Variants in FANCA observed in about 807,000 individuals in gnomAD.
FANCA encodes the protein Fanconi anemia group A protein.
A neutral mutation model predicts 194.3 loss-of-function variants in FANCA; 236 were observed. That is an observed-to-expected ratio of 1.21 (90% CI 1.09 to 1.35). FANCA has a LOEUF of 1.35. Ranked by LOEUF, FANCA falls within the 40% of genes most tolerant of loss-of-function variation. The pLI is 0.00. For synonymous variants in FANCA, 1,014 were observed against 715.8 expected, an observed-to-expected ratio of 1.42 and a Z score of -6.65; for missense variants, 2,628 against 1,813.9, an observed-to-expected ratio of 1.45 and a Z score of -8.15.
In FANCA at chr16:89,740,142, T is replaced by G. The variant is rs746545180; in HGVS notation, c.3829-43A>C. The G allele has an allele frequency of 1.5e-5, 23 of 1,504,022 alleles. No homozygotes were observed. The East Asian group carries it at 3.8e-4, about 25-fold the overall frequency. 93.2% of individuals were successfully genotyped at this position (1,504,022 alleles called of 1,614,324 possible). A position where few individuals can be genotyped will look rare whatever the true frequency, so the allele number is the denominator to read the frequency against. On this transcript the variant is annotated intron_variant, in intron 38 of 42. Transcript: ENST00000389301. ...CCAACCCTGAGAATGGCCGACCTGG[T>G]GCTCCCATGGGTAGGAGGGTACAGC...
At chr16:89,795,801 G>C (rs2040226088) in intron 11 of FANCA, 105 bp downstream of exon 11, 7 of 811,180 alleles carry the variant, frequency 8.6e-6, no homozygotes, top group South Asian at 8.2e-5. Flanking sequence ...AGACGTAAAA[G>C]AGGTCCTAGA....
At chr16:89,799,317 C>T (rs1262153340) in intron 9 of FANCA, 85 bp from the exon 10 acceptor site, 2 of 1,509,036 alleles carry the variant, frequency 1.3e-6, no homozygotes, top group Admixed American at 3.6e-5. Flanking sequence ...TTTCAGACAA[C>T]AGATCCACTT....
chr16:89,802,343 T>A (rs1476988779), intron 8 of FANCA, among the ~76,000 whole-genome samples: 2 of 151,536 alleles, frequency 1.3e-5, no homozygotes, highest in Non-Finnish European at 2.9e-5. Flanking sequence ...CCTCAGGGGA[T>A]CCACCAGTCT....
chr16:89,816,405 C>T (rs2041128087), intron 1 of FANCA, 132 bp downstream of exon 1: 1 of 768,664 alleles, frequency 1.3e-6, no homozygotes. Context: ...GGGCGCCCAC[C>T]CCGCACAGCC....
At chr16:89,757,393 G>A (rs2038802668) in intron 30 of FANCA, among the ~76,000 whole-genome samples, 1 of 152,144 alleles carries the variant, frequency 6.6e-6, no homozygotes, top group South Asian at 2.1e-4. Context: ...TACCTTCTGT[G>A]AGCATCAGTC....
chr16:89,808,436 ATGC>A (rs2040749366), intron 5 of FANCA, 69 bp from the exon 6 acceptor site: 1 of 1,492,626 alleles, frequency 6.7e-7, no homozygotes. Context: ...TCCTTTATGA[ATGC>A]ATTTTCCTAC....
Position 89,762,013 on chromosome 16 carries a change from G to C in FANCA, c.2788C>G (p.Gln930Glu), listed in dbSNP as rs576111872. 1.9e-6 allele frequency: 3 copies of C among 1,613,438 alleles called. No homozygotes were observed. The highest frequency in any genetic ancestry group is 2.5e-6 in the Non-Finnish European group (3 of 1,179,414). The change falls in exon 29 of 43, where the codon CAA becomes GAA. Residue 930 changes from glutamine to glutamate, a missense_variant. Gln to Glu is a conservative substitution (Grantham distance 29). Coordinates refer to ENST00000389301, the MANE Select transcript of FANCA (RefSeq NM_000135.4). The stretch of plus-strand genomic sequence containing the variant: ...TCCAGCTCCAGGTGTAACCAGTCTT[G>C]GTAAGTTAACTGAGAAAGAGAGCAA... ...LKEEDVHLTYQDWLHLELEIQ... is the reference protein window; with the variant it reads ...LKEEDVHLTYEDWLHLELEIQ...
chr16:89,814,874 G>A (rs1306289238), intron 2 of FANCA, among the ~76,000 whole-genome samples: 2 of 151,988 alleles, frequency 1.3e-5, no homozygotes, highest in Admixed American at 6.6e-5. Flanking sequence ...CCGGGAGGTG[G>A]AGGCTGCAGT....
At chr16:89,776,818 G>A (rs933906014) in intron 20 of FANCA, among the ~76,000 whole-genome samples, 4 of 151,852 alleles carry the variant, frequency 2.6e-5, no homozygotes, top group Non-Finnish European at 5.9e-5. Flanking sequence ...CTGACAAACC[G>A]AGACTCCGAC....
intron 12 of FANCA, 101 bp downstream of exon 12, chr16:89,792,370 T>G (rs2040105001): frequency 7.8e-7 from 1 of 1,279,798 alleles, no homozygotes; most frequent in South Asian, 1.2e-5. Context: ...TCCCTGAACC[T>G]CTCGATGTGC....
rs781479316 is a variant in FANCA at position 89,799,587 on chromosome 16, G to A, written c.826+18C>T. On this transcript the variant is annotated intron_variant, in intron 9 of 42. Transcript: ENST00000389301. ...AACTAAGTCATTTACAGTCTGGGCTGCAGTGCAATTAACTTACAAATCAGC... is the reference window on the plus strand; with the variant it reads ...AACTAAGTCATTTACAGTCTGGGCTACAGTGCAATTAACTTACAAATCAGC... 4 of 1,610,342 alleles carry A rather than the reference G, an allele frequency of 2.5e-6. No homozygotes were observed. The highest frequency in any genetic ancestry group is 3.4e-6 in the Non-Finnish European group (4 of 1,176,624).
intron 17 of FANCA, 113 bp downstream of exon 17, chr16:89,782,735 CCCGAGGCAAGA>C: frequency 1.2e-6 from 1 of 841,986 alleles, no homozygotes; most frequent in Non-Finnish European, 2.0e-6. Flanking sequence ...CCCAGCTGCG[CCCGAGGCAAGA>C]CCAGACATGA....
chr16:89,778,658 G>GAAAC, intron 20 of FANCA, 143 bp downstream of exon 20: 1 of 132,034 alleles, frequency 7.6e-6, no homozygotes, highest in East Asian at 2.5e-4. Flanking sequence ...AAAAAAAAAA[G>GAAAC]TAACCAACCA....
chr16:89,739,812 C>T lies in FANCA; in HGVS notation c.3934+182G>A, dbSNP rs545147862. 3.4e-6 allele frequency: 5 copies of T among 1,464,842 alleles called. No homozygotes were observed. The African/African-American group carries it at 5.6e-5, about 16-fold the overall frequency. The allele number at this position is 1,464,842 out of a possible 1,614,324, so 90.7% of individuals were successfully genotyped here. On this transcript the variant is annotated intron_variant, in intron 39 of 42. Transcript: ENST00000389301. ...TAGGCCCATTGGTCCTGGGGTTGACCAGTGAGCCAGTAAATTATCTTATTG... is the reference window on the plus strand; with the variant it reads ...TAGGCCCATTGGTCCTGGGGTTGACTAGTGAGCCAGTAAATTATCTTATTG...
At chr16:89,797,021 A>G (rs1472607758) in intron 10 of FANCA, among the ~76,000 whole-genome samples, 1 of 152,154 alleles carries the variant, frequency 6.6e-6, no homozygotes, top group South Asian at 2.1e-4. Flanking sequence ...TTAGCCGGGC[A>G]TGGTGGTGGG....
At chr16:89,742,753 A>G (rs1024765690) in intron 37 of FANCA, 47 bp downstream of exon 37, 2 of 1,610,092 alleles carry the variant, frequency 1.2e-6, no homozygotes, top group African/African-American at 2.7e-5. Context: ...ACTGATTGAA[A>G]CCAAGCTTGC....
chr16:89,745,975 A>C lies in FANCA; in HGVS notation c.3513+609T>G, dbSNP rs145789840. Among the ~76,000 whole-genome samples, 40 of 152,328 alleles carry C rather than the reference A, an allele frequency of 2.6e-4. 1 individual carries two copies. Among genetic ancestry groups the C allele is most frequent in the African/African-American group, 9.6e-4 (40 of 41,588 alleles). ...CTGCTTGGGGAGCTCCCTGGGGAACATGCCGTGCTGCGGAGAAAAAGGCCC... is the reference window on the plus strand; with the variant it reads ...CTGCTTGGGGAGCTCCCTGGGGAACCTGCCGTGCTGCGGAGAAAAAGGCCC... On this transcript the variant is annotated intron_variant, in intron 35 of 42. Coordinates refer to ENST00000389301, the MANE Select transcript of FANCA (RefSeq NM_000135.4).
chr16:89,737,899 C>G lies in FANCA; in HGVS notation c.*702G>C, dbSNP rs1377295048. 6.2e-7 allele frequency: 1 copy of G among 1,606,958 alleles called. No homozygotes were observed. Among genetic ancestry groups the G allele is most frequent in the Non-Finnish European group, 8.5e-7 (1 of 1,179,234 alleles). ...CAAATGCGACATTCGGGAGCCAAGC[C>G]TTTGCAGTAAGTGTGAGTCAGGACC... On this transcript the variant is annotated 3_prime_UTR_variant, in exon 43 of 43. Coordinates refer to ENST00000389301, the MANE Select transcript of FANCA (RefSeq NM_000135.4).
chr16:89,757,410 A>C (rs1225661077), intron 30 of FANCA, among the ~76,000 whole-genome samples: 1 of 152,174 alleles, frequency 6.6e-6, no homozygotes, highest in Non-Finnish European at 1.5e-5. Context: ...AGTCAGCCAT[A>C]AGAAGGAAGG....
Sources: gnomAD v4.1 joint callset for allele counts (sites outside exome capture counted in the v4.1 genomes callset) on GRCh38, gnomAD v4.1.1 for gene constraint, MANE v1.5 for transcripts, NCBI Gene and HGNC (gene_info 2026-07-23, HGNC 2026-07-21) for gene names.